The following NSMCE2 variants were observed in gnomAD, a reference collection of about 807,000 sequenced individuals.
NSMCE2 encodes E3 SUMO-protein ligase NSE2.
NSMCE2 carries 24 observed loss-of-function variants against 23.8 expected under a neutral mutation model. The ratio of observed to expected loss-of-function variants is 1.01; its 90% CI spans 0.73 to 1.42. NSMCE2 has a LOEUF of 1.42. NSMCE2 is among the 40% of genes most tolerant of loss of function. NSMCE2 has a pLI of 0.00. For missense variants in NSMCE2, 284 were observed against 296.5 expected (o/e 0.96, Z 0.31); for synonymous variants, 92 against 94.1 (o/e 0.98, Z 0.13).
At position 125,366,817 on chromosome 8, in the gene NSMCE2, A is replaced by G; in HGVS notation, c.676A>G (p.Ile226Val). ...CACGGATATAAGAAAGTCAGATCTT[A>G]TCCAGGATGAAGCACTTAGAAGGGC... ...SHTDIRKSDLIQDEALRRAIE... is the reference protein window; with the variant it reads ...SHTDIRKSDLVQDEALRRAIE... The change falls in exon 8 of 8, where the codon ATC (isoleucine) becomes GTC (valine). Residue 226 changes from isoleucine to valine, a missense_variant. Physicochemically the swap from Ile to Val is conservative, Grantham distance 29 (BLOSUM62 3). Transcript: ENST00000287437. 6.2e-7 allele frequency: 1 copy of G among 1,613,770 alleles called. No individual in the cohort carries two copies. Among genetic ancestry groups the G allele is most frequent in the Non-Finnish European group, 8.5e-7 (1 of 1,179,626 alleles).
At chr8:125,123,834 C>A (rs1392589486) in intron 3 of NSMCE2, among the ~76,000 whole-genome samples, 1 of 152,192 alleles carries the variant, frequency 6.6e-6, no homozygotes. Context: ...AAAAATTCCT[C>A]TCAGTTAGTC....
chr8:125,147,463 A>G (rs1227514093), intron 3 of NSMCE2, among the ~76,000 whole-genome samples: 1 of 152,198 alleles, frequency 6.6e-6, no homozygotes, highest in Non-Finnish European at 1.5e-5. Flanking sequence ...ACAAATGCAG[A>G]TAAGAAAGGA....
intron 4 of NSMCE2, among the ~76,000 whole-genome samples, chr8:125,153,771 A>C (rs1410244722): frequency 6.6e-6 from 1 of 152,238 alleles, no homozygotes; most frequent in African/African-American, 2.4e-5. Flanking sequence ...GTATATCAAA[A>C]TGCTTTGGCA....
chr8:125,142,663 G>A (rs1304697300), intron 3 of NSMCE2, among the ~76,000 whole-genome samples: 1 of 151,732 alleles, frequency 6.6e-6, no homozygotes, highest in Non-Finnish European at 1.5e-5. Context: ...GGAGGACAGT[G>A]GTGCTATCTT....
chr8:125,316,542 T>TTGTC (rs981421547), intron 5 of NSMCE2, among the ~76,000 whole-genome samples: 1 of 152,228 alleles, frequency 6.6e-6, no homozygotes, highest in Non-Finnish European at 1.5e-5. Context: ...AGAATAACCG[T>TTGTC]TGTCTGTCTG....
intron 3 of NSMCE2, among the ~76,000 whole-genome samples, chr8:125,129,905 T>C (rs1819679218): frequency 6.6e-6 from 1 of 152,150 alleles, no homozygotes; most frequent in Admixed American, 6.6e-5. Flanking sequence ...AAGAAGATCT[T>C]ATACTACCAT....
chr8:125,220,603 G>T (rs57062304), intron 5 of NSMCE2, among the ~76,000 whole-genome samples: 7,088 of 150,706 alleles, frequency 0.047, 560 homozygotes, highest in African/African-American at 0.16. Context: ...GTAATAAAAT[G>T]ACTCTTTCAG....
rs71295847 is a variant in NSMCE2, at chr8:125,333,505, C to CTTTTTTTTTTTTTTTTTTT, written c.419-23705_419-23687dup. On this transcript the variant is annotated intron_variant, in intron 5 of 7. Coordinates refer to ENST00000287437, the MANE Select transcript of NSMCE2 (RefSeq NM_173685.4). ...TTCTAATGTAGTTTTCCTGGTGGTT[C>CTTTTTTTTTTTTTTTTTTT]TTTTTTTTTTTTTTTTTTTTTTTTT... 3.1e-4 allele frequency among the ~76,000 whole-genome samples: 14 copies of CTTTTTTTTTTTTTTTTTTT among 45,628 alleles called. 5 individuals carry two copies. The highest frequency in any genetic ancestry group is 5.7e-4 in the African/African-American group (6 of 10,594). 29.9% of individuals were successfully genotyped at this position (45,628 alleles called of 152,430 possible). A position where few individuals can be genotyped will look rare whatever the true frequency, so the allele number is the denominator to read the frequency against.
intron 3 of NSMCE2, among the ~76,000 whole-genome samples, chr8:125,122,263 TA>T (rs1055660185): frequency 5.2e-4 from 79 of 152,142 alleles, no homozygotes; most frequent in African/African-American, 1.8e-3. Context: ...AACAAATCTC[TA>T]GATCCTTACT....
intron 4 of NSMCE2, among the ~76,000 whole-genome samples, chr8:125,169,751 T>C (rs1209163496): frequency 2.0e-5 from 3 of 152,104 alleles, no homozygotes; most frequent in Non-Finnish European, 4.4e-5. Flanking sequence ...TCCTGCCTTT[T>C]CCATAACTTT....
At chr8:125,275,124 G>A (rs995459981) in intron 5 of NSMCE2, among the ~76,000 whole-genome samples, 4 of 151,720 alleles carry the variant, frequency 2.6e-5, no homozygotes, top group South Asian at 2.1e-4. Context: ...TGATAGTCAT[G>A]TGTCAGCTGA....
intron 5 of NSMCE2, among the ~76,000 whole-genome samples, chr8:125,228,632 G>C (rs1267297139): frequency 6.6e-6 from 1 of 152,144 alleles, no homozygotes; most frequent in African/African-American, 2.4e-5. Context: ...AGCCAAAGAG[G>C]GCTGAGAGCA....
intron 4 of NSMCE2, among the ~76,000 whole-genome samples, chr8:125,178,873 A>T (rs1284361231): frequency 6.6e-6 from 1 of 152,180 alleles, no homozygotes; most frequent in Admixed American, 6.5e-5. Flanking sequence ...TCAAAAAAAA[A>T]TGATAATAAT....
intron 3 of NSMCE2, among the ~76,000 whole-genome samples, chr8:125,126,454 C>T (rs1209065216): frequency 1.3e-5 from 2 of 151,960 alleles, no homozygotes; most frequent in Non-Finnish European, 2.9e-5. Flanking sequence ...AATAGTGTCC[C>T]AGCACCTGGC....
intron 5 of NSMCE2, among the ~76,000 whole-genome samples, chr8:125,286,022 G>A (rs1044082057): frequency 2.0e-5 from 3 of 151,764 alleles, no homozygotes; most frequent in Non-Finnish European, 4.4e-5. Flanking sequence ...CACTACCCCC[G>A]AGAACAGTCC....
chr8:125,336,606 G>A (rs1292688508), intron 5 of NSMCE2, among the ~76,000 whole-genome samples: 8 of 152,236 alleles, frequency 5.3e-5, no homozygotes, highest in Non-Finnish European at 4.4e-5. Flanking sequence ...GAGTAGAAAT[G>A]GGAGAAGTTG....
chr8:125,140,934 G>T (rs1220517311), intron 3 of NSMCE2, among the ~76,000 whole-genome samples: 1 of 152,136 alleles, frequency 6.6e-6, no homozygotes, highest in Non-Finnish European at 1.5e-5. Context: ...CAAGAAAGAT[G>T]TGGAAAAAAG....
intron 5 of NSMCE2, among the ~76,000 whole-genome samples, chr8:125,302,037 C>G (rs545604565): frequency 6.6e-6 from 1 of 152,012 alleles, no homozygotes; most frequent in African/African-American, 2.4e-5. Context: ...TCAGCTCACT[C>G]AAATTCTGCC....
chr8:125,183,634 G>GGTTGTGTGTGTGTGTGT (rs71515999), intron 5 of NSMCE2, among the ~76,000 whole-genome samples: 2 of 147,502 alleles, frequency 1.4e-5, no homozygotes, highest in African/African-American at 5.0e-5. Context: ...ATTACTCAGT[G>GGTTGTGTGTGTGTGTGT]GTGTGTGTGT....
Sources: allele counts gnomAD v4.1 joint callset (sites outside exome capture counted in the v4.1 genomes callset), GRCh38; gene constraint gnomAD v4.1.1; transcripts MANE v1.5; gene names NCBI Gene and HGNC (gene_info 2026-07-23, HGNC 2026-07-21).